DYNC1I2: variants seen among roughly 807,000 people sequenced by gnomAD.
DYNC1I2 encodes the protein dynein cytoplasmic 1 intermediate chain 2.
A neutral mutation model predicts 88.6 loss-of-function variants in DYNC1I2; 53 were observed. The ratio of observed to expected loss-of-function variants is 0.60; its 90% CI spans 0.48 to 0.75. The LOEUF (loss-of-function observed/expected upper bound fraction) is 0.75. Ranked by LOEUF, DYNC1I2 falls within the 30% of genes least tolerant of loss-of-function variation. DYNC1I2 has a pLI of 0.00. For synonymous variants in DYNC1I2, 198 were observed against 254.6 expected (o/e 0.78, Z 2.12); for missense variants, 458 against 766.6 (o/e 0.60, Z 4.75).
chr2:171,718,016 G>A (rs1687637818), intron 7 of DYNC1I2, among the ~76,000 whole-genome samples: 1 of 150,250 alleles, frequency 6.7e-6, no homozygotes. Flanking sequence ...GAGTGCAGTG[G>A]TGCCATCGTA....
chr2:171,693,240 T>A (rs1170500466), intron 3 of DYNC1I2, among the ~76,000 whole-genome samples: 1 of 152,198 alleles, frequency 6.6e-6, no homozygotes, highest in Non-Finnish European at 1.5e-5. Flanking sequence ...CTATATTCCT[T>A]TCTGGAGATT....
chr2:171,709,831 C>T (rs1043845430), intron 5 of DYNC1I2, among the ~76,000 whole-genome samples: 2 of 152,144 alleles, frequency 1.3e-5, no homozygotes, highest in African/African-American at 4.8e-5. Context: ...GATTCTCCTG[C>T]CTCAGCCTCC....
chr2:171,694,815 G>A (rs115678258), intron 3 of DYNC1I2, among the ~76,000 whole-genome samples: 3,617 of 152,192 alleles, frequency 0.024, 61 homozygotes, highest in Middle Eastern at 0.037. Flanking sequence ...AGCAAGAGGT[G>A]GGGGGAGGTG....
chr2:171,731,101 T>C (rs1231453481), intron 15 of DYNC1I2, among the ~76,000 whole-genome samples: 2 of 152,208 alleles, frequency 1.3e-5, no homozygotes, highest in East Asian at 3.8e-4. Context: ...TTACCAATGT[T>C]TAGTTTCTCT....
chr2:171,697,361 A>G (rs1311195334), intron 3 of DYNC1I2, among the ~76,000 whole-genome samples: 1 of 151,912 alleles, frequency 6.6e-6, no homozygotes, highest in Non-Finnish European at 1.5e-5. Context: ...CACACATACT[A>G]CTTTTTGCCT....
intron 3 of DYNC1I2, among the ~76,000 whole-genome samples, chr2:171,705,472 G>A (rs1223739107): frequency 1.3e-5 from 2 of 152,052 alleles, no homozygotes; most frequent in African/African-American, 4.8e-5. Context: ...AATTAGGTAT[G>A]TAATTTAAAG....
rs576570624 is a variant in DYNC1I2, at chr2:171,739,932, C to T, written c.1537-4117C>T. ...TGTTGGCCAGGCTGGTCTCAAACTC[C>T]TGGCCTCAAGTGATCCGCCTGCCTC... On this transcript the variant is annotated intron_variant, in intron 15 of 17. Transcript: ENST00000397119. Among the ~76,000 whole-genome samples, 248 of 152,214 alleles carry T rather than the reference C, an allele frequency of 1.6e-3. 1 individual carries two copies. Among genetic ancestry groups the T allele is most frequent in the South Asian group, 0.011 (52 of 4,816 alleles).
chr2:171,714,997 C>T (rs1456545120), intron 6 of DYNC1I2, among the ~76,000 whole-genome samples: 1 of 152,100 alleles, frequency 6.6e-6, no homozygotes, highest in Non-Finnish European at 1.5e-5. Context: ...CAGCTGAAAC[C>T]AGTTCTTACG....
At position 171,742,082 on chromosome 2, in the gene DYNC1I2, A is replaced by AG. The variant is rs796221553; in HGVS notation, c.1537-1967_1537-1966insG. 2.3e-3 allele frequency among the ~76,000 whole-genome samples: 351 copies of AG among 151,354 alleles called. 5 individuals carry two copies. The highest frequency in any genetic ancestry group is 0.015 in the Admixed American group (225 of 15,216). ...CGCGGTCTCAGAAAAAAAAAAAAAAAAAGTTTCATAGTTTTACTTTCCATT... is the reference window on the plus strand; with the variant it reads ...CGCGGTCTCAGAAAAAAAAAAAAAAAGAAGTTTCATAGTTTTACTTTCCATT... On this transcript the variant is annotated intron_variant, in intron 15 of 17. Transcript: ENST00000397119.
chr2:171,718,060 G>A (rs1687641339), intron 7 of DYNC1I2, among the ~76,000 whole-genome samples: 1 of 150,808 alleles, frequency 6.6e-6, no homozygotes, highest in Non-Finnish European at 1.5e-5. Context: ...AGGTTCAAGT[G>A]ATTCTCCTGC....
intron 1 of DYNC1I2, among the ~76,000 whole-genome samples, chr2:171,689,056 G>T (rs1032700044): frequency 2.0e-5 from 3 of 152,052 alleles, no homozygotes; most frequent in African/African-American, 4.8e-5. Context: ...TCAAGCTGAA[G>T]TAGTGTTTAT....
intron 5 of DYNC1I2, among the ~76,000 whole-genome samples, chr2:171,710,094 G>T (rs1686991467): frequency 1.3e-5 from 2 of 149,518 alleles, no homozygotes. Flanking sequence ...TTTCAAGAGG[G>T]CTGAGTATAT....
intron 7 of DYNC1I2, among the ~76,000 whole-genome samples, chr2:171,720,955 G>T (rs142992252): frequency 5.8e-4 from 88 of 151,334 alleles, no homozygotes; most frequent in Non-Finnish European, 1.0e-3. Flanking sequence ...CCTATGTAAG[G>T]GTGCTAATAC....
intron 7 of DYNC1I2, among the ~76,000 whole-genome samples, chr2:171,721,364 A>G (rs1395245434): frequency 1.3e-5 from 2 of 152,164 alleles, no homozygotes; most frequent in African/African-American, 4.8e-5. Context: ...AATGGATTCC[A>G]TTGATAGATT....
At chr2:171,744,520 T>G (rs1482120234) in intron 16 of DYNC1I2, among the ~76,000 whole-genome samples, 1 of 152,240 alleles carries the variant, frequency 6.6e-6, no homozygotes, top group Non-Finnish European at 1.5e-5. Flanking sequence ...TTTCAGACTG[T>G]TGAAGTATGT....
In DYNC1I2 at chr2:171,706,621, T is replaced by C. The variant is rs1686696481; in HGVS notation, c.244+57T>C. ...TATTTGCATGCATCACTTTATGTTA[T>C]GCATAATGTCTAGAAGGCATGCTGT... On this transcript the variant is annotated intron_variant, in intron 4 of 17. Coordinates refer to ENST00000397119, the MANE Select transcript of DYNC1I2 (RefSeq NM_001378.3). 9 of 1,503,720 alleles carry C rather than the reference T, an allele frequency of 6.0e-6. No homozygotes were observed. The East Asian group carries it at 1.6e-4, about 26-fold the overall frequency. 93.1% of individuals were successfully genotyped at this position (1,503,720 alleles called of 1,614,324 possible).
chr2:171,749,029 GTC>G lies in DYNC1I2; in HGVS notation c.*1142_*1143del, dbSNP rs76507216. 0.073 allele frequency among the ~76,000 whole-genome samples: 11,149 copies of G among 152,202 alleles called. 1,021 individuals carry two copies. The highest frequency in any genetic ancestry group is 0.52 in the East Asian group (2,707 of 5,170). The stretch of plus-strand genomic sequence containing the variant: ...CCTTTTGTACTTCTGAAGTGTAACT[GTC>G]TTTTATTCAACAGAACATGAACTAG... On this transcript the variant is annotated 3_prime_UTR_variant, in exon 18 of 18. Coordinates refer to ENST00000397119, the MANE Select transcript of DYNC1I2 (RefSeq NM_001378.3).
chr2:171,724,959 C>T (rs1404573375), intron 7 of DYNC1I2, among the ~76,000 whole-genome samples: 1 of 152,038 alleles, frequency 6.6e-6, no homozygotes, highest in Non-Finnish European at 1.5e-5. Flanking sequence ...ATTAAGAAAA[C>T]ATTATTTTAA....
chr2:171,743,571 T>G (rs1030074495), intron 15 of DYNC1I2, among the ~76,000 whole-genome samples: 2 of 152,224 alleles, frequency 1.3e-5, no homozygotes, highest in Admixed American at 6.5e-5. Flanking sequence ...ACACAGATAC[T>G]GATACCATGC....
Sources: gnomAD v4.1 joint callset for allele counts (sites outside exome capture counted in the v4.1 genomes callset) on GRCh38, gnomAD v4.1.1 for gene constraint, MANE v1.5 for transcripts, NCBI Gene and HGNC (gene_info 2026-07-23, HGNC 2026-07-21) for gene names.